Variants in VPS39 observed in about 807,000 individuals in gnomAD.
VPS39 encodes VPS39 subunit of HOPS complex.
In VPS39, 70 loss-of-function variants were observed where a neutral mutation model predicts 121.0. The observed-to-expected ratio is 0.58, with a 90% CI of 0.48 to 0.71. The LOEUF is 0.71. Among genes scored for constraint, VPS39 ranks in the 30% least tolerant of loss-of-function variants. The pLI is 0.00. For synonymous variants in VPS39, 378 were observed against 398.1 expected (o/e 0.95, Z 0.60); for missense variants, 818 against 1,051.5 (o/e 0.78, Z 3.07).
rs774779476 is a variant in VPS39 at position 42,189,109 on chromosome 15, C to T, written c.342+5G>A. ...AAAGCCAAATTTCATCTTGGGTAAA[C>T]TTACCTGGAGGTCACAAGTAAACAG... On this transcript the variant is annotated splice_donor_5th_base_variant and intron_variant, in intron 5 of 24. Coordinates refer to ENST00000318006, the MANE Select transcript of VPS39 (RefSeq NM_015289.5). 1 of 1,612,392 alleles carries T rather than the reference C, an allele frequency of 6.2e-7. No homozygotes were observed. The highest frequency in any genetic ancestry group is 1.7e-5 in the Admixed American group (1 of 60,006).
chr15:42,183,628 G>A (rs149071288), intron 8 of VPS39, among the ~76,000 whole-genome samples: 2 of 152,114 alleles, frequency 1.3e-5, no homozygotes, highest in African/African-American at 2.4e-5. Flanking sequence ...TTTTCTTCAA[G>A]CCAGGTTCCA....
Position 42,178,555 on chromosome 15 carries a change from T to C in VPS39, c.734A>G (p.Tyr245Cys). The change falls in exon 9 of 25, where the codon TAC becomes TGC. Residue 245 changes from tyrosine to cysteine, a missense_variant. Physicochemically the swap from Tyr to Cys is radical, Grantham distance 194. Transcript: ENST00000318006. ...ATATCGAGGCAACACTGCAATGATGTAGGGAGGCTGGTGCTCTGTGAAAGA... is the reference window on the plus strand; with the variant it reads ...ATATCGAGGCAACACTGCAATGATGCAGGGAGGCTGGTGCTCTGTGAAAGA... ...IPVAMEHQPP[Y>C]IIAVLPRYVE... is the part of the protein sequence containing the mutation. 1.2e-6 allele frequency: 2 copies of C among 1,614,084 alleles called. No individual in the cohort carries two copies. The highest frequency in any genetic ancestry group is 1.7e-6 in the Non-Finnish European group (2 of 1,180,030).
In VPS39 at chr15:42,208,268, C is replaced by G. The variant is rs1371669409; in HGVS notation, c.-115G>C. The G allele has an allele frequency of 1.5e-6, 2 of 1,357,266 alleles. No homozygotes were observed. The highest frequency in any genetic ancestry group is 4.5e-5 in the Admixed American group (2 of 44,806). The allele number at this position is 1,357,266 out of a possible 1,614,324, so 84.1% of individuals were successfully genotyped here. On this transcript the variant is annotated 5_prime_UTR_variant, in exon 1 of 25. It removes the in-frame stop codon of an upstream open reading frame in the 5' UTR. Transcript: ENST00000318006. ...CGGGATCCGGCCAGGAACCCCCCGG[C>G]TACAGGCCCTTCAACAACACAGCCA... is the stretch of plus-strand genomic sequence containing the variant.
At chr15:42,187,472 G>A (rs988237946) in intron 6 of VPS39, 109 bp from the exon 7 acceptor site, 27 of 986,726 alleles carry the variant, frequency 2.7e-5, no homozygotes, top group East Asian at 2.4e-4. Flanking sequence ...CACCCTCATC[G>A]GGCACAATTC....
At chr15:42,170,172 A>C (rs183356809) in intron 11 of VPS39, among the ~76,000 whole-genome samples, 9 of 152,294 alleles carry the variant, frequency 5.9e-5, no homozygotes, top group South Asian at 2.1e-4. Flanking sequence ...AAAAATGCTG[A>C]TATTGAAGTA....
chr15:42,167,050 C>T, intron 13 of VPS39, 137 bp from the exon 14 acceptor site: 1 of 1,255,106 alleles, frequency 8.0e-7, no homozygotes, highest in Non-Finnish European at 1.1e-6. Context: ...TTCAGGACAG[C>T]AGGTAGAGGC....
At position 42,169,742 on chromosome 15, in the gene VPS39, C is replaced by T. The variant is rs780532552; in HGVS notation, c.1215G>A (p.Leu405=). ...GAELEKAHLA[L]IDYLTQKRSQ... is the part of the protein sequence containing the mutation. ...TACCTACCTGTGTCAGGTAGTCAATCAGAGCTAAGTGAGCCTTCTCCAATT... is the reference window on the plus strand; with the variant it reads ...TACCTACCTGTGTCAGGTAGTCAATTAGAGCTAAGTGAGCCTTCTCCAATT... The change falls in exon 12 of 25, where the codon CTG becomes CTA. Residue 405 remains leucine, a synonymous_variant. Coordinates refer to ENST00000318006, the MANE Select transcript of VPS39 (RefSeq NM_015289.5). The T allele has an allele frequency of 2.5e-6, 4 of 1,613,886 alleles. No individual in the cohort carries two copies.
At chr15:42,172,023 G>A (rs540126887) in intron 11 of VPS39, among the ~76,000 whole-genome samples, 1 of 152,148 alleles carries the variant, frequency 6.6e-6, no homozygotes, top group Non-Finnish European at 1.5e-5. Context: ...ATGATGCAAG[G>A]ATGACAAGTA....
At chr15:42,194,614 T>C (rs1044907245) in intron 2 of VPS39, among the ~76,000 whole-genome samples, 37 of 152,212 alleles carry the variant, frequency 2.4e-4, no homozygotes, top group Admixed American at 2.2e-3. Context: ...GTGCCGGTAG[T>C]CCTAGCTGCT....
rs1208215858 is a variant in VPS39 at position 42,208,231 on chromosome 15, C to T, written c.-78G>A. On this transcript the variant is annotated 5_prime_UTR_variant, in exon 1 of 25. Coordinates refer to ENST00000318006, the MANE Select transcript of VPS39 (RefSeq NM_015289.5). ...GGCTGGGGTCCGGAACGAGTCTGGG[C>T]TAAGGGTAGACCGGGATCCGGCCAG... 1.9e-5 allele frequency: 29 copies of T among 1,532,720 alleles called. No homozygotes were observed. Among genetic ancestry groups the T allele is most frequent in the Admixed American group, 4.0e-5 (2 of 50,310 alleles). 94.9% of individuals were successfully genotyped at this position (1,532,720 alleles called of 1,614,324 possible). A position where few individuals can be genotyped will look rare whatever the true frequency, so the allele number is the denominator to read the frequency against.
rs2050216517 is a variant in VPS39 at position 42,208,160 on chromosome 15, A to G, written c.-7T>C. 6.4e-7 allele frequency: 1 copy of G among 1,567,018 alleles called. No homozygotes were observed. The highest frequency in any genetic ancestry group is 8.7e-7 in the Non-Finnish European group (1 of 1,155,960). ...GCTCGAAAGCGTCGTGCATGGCGGC[A>G]AGGGGAGAGTTGCCACCGCCGTCTC... On this transcript the variant is annotated 5_prime_UTR_variant, in exon 1 of 25. Transcript: ENST00000318006.
At chr15:42,178,178 G>C (rs375354594) in intron 10 of VPS39, 40 bp downstream of exon 10, 1 of 1,609,890 alleles carries the variant, frequency 6.2e-7, no homozygotes, top group Non-Finnish European at 8.5e-7. Context: ...CTACTTTCAA[G>C]AACAATAAGG....
chr15:42,163,781 G>T, intron 19 of VPS39, 53 bp from the exon 20 acceptor site: 1 of 1,348,806 alleles, frequency 7.4e-7, no homozygotes. Flanking sequence ...CAAGCACAAG[G>T]TGGGGGCTAT....
At chr15:42,167,266 A>G (rs2049262045) in intron 13 of VPS39, 128 bp downstream of exon 13, 1 of 1,236,008 alleles carries the variant, frequency 8.1e-7, no homozygotes, top group Non-Finnish European at 1.1e-6. Context: ...AGAAGTCTAT[A>G]TGGTTTCCAG....
rs370917153 is a variant in VPS39 at position 42,173,683 on chromosome 15, C to A, written c.1090+40G>T. 6.9e-6 allele frequency: 11 copies of A among 1,592,028 alleles called. No homozygotes were observed. In the African/African-American group the frequency reaches 1.4e-4, roughly 20 times the overall value. On this transcript the variant is annotated intron_variant, in intron 11 of 24. Transcript: ENST00000318006. ...TCCCCATACTTTTCAGGCTCCCCTC[C>A]TCCATTAGTCCCTTATATAAAGGCC...
chr15:42,178,370 A>T, intron 9 of VPS39, 32 bp from the exon 10 acceptor site: 1 of 1,614,074 alleles, frequency 6.2e-7, no homozygotes, highest in Non-Finnish European at 8.5e-7. Context: ...TTAGCAAAAG[A>T]TCACAGGCTT....
intron 8 of VPS39, among the ~76,000 whole-genome samples, chr15:42,180,040 C>T (rs1023725448): frequency 1.3e-5 from 2 of 152,136 alleles, no homozygotes; most frequent in African/African-American, 4.8e-5. Flanking sequence ...AAGGCCCTTA[C>T]CAGACACCAG....
intron 17 of VPS39, 99 bp from the exon 18 acceptor site, chr15:42,165,212 G>C: frequency 4.4e-6 from 5 of 1,131,692 alleles, no homozygotes; most frequent in Non-Finnish European, 6.6e-6. Context: ...GTCCCATCCA[G>C]ATTATCCCCT....
At chr15:42,162,588 T>A in intron 21 of VPS39, 107 bp from the exon 22 acceptor site, 1 of 1,301,830 alleles carries the variant, frequency 7.7e-7, no homozygotes, top group Non-Finnish European at 1.0e-6. Flanking sequence ...GTAACAGCTA[T>A]CACTGAGCAT....
Sources: gnomAD v4.1 joint callset for allele counts (sites outside exome capture counted in the v4.1 genomes callset) on GRCh38, gnomAD v4.1.1 for gene constraint, MANE v1.5 for transcripts, NCBI Gene and HGNC (gene_info 2026-07-23, HGNC 2026-07-21) for gene names.